Variants in CCSER2 observed in about 807,000 individuals in gnomAD.
CCSER2 encodes the protein serine-rich coiled-coil domain-containing protein 2.
A neutral mutation model predicts 92.3 loss-of-function variants in CCSER2; 46 were observed. The observed-to-expected ratio is 0.50, with a 90% CI of 0.39 to 0.64. CCSER2 has a LOEUF of 0.64. CCSER2 is among the 30% of genes least tolerant of loss of function. CCSER2 has a pLI of 0.00. For missense variants in CCSER2, 1,244 were observed against 1,238.9 expected, an observed-to-expected ratio of 1.00 and a Z score of -0.06; for synonymous variants, 433 against 431.4, an observed-to-expected ratio of 1.00 and a Z score of -0.04.
intron 3 of CCSER2, among the ~76,000 whole-genome samples, chr10:84,411,707 G>T (rs1842658197): frequency 6.6e-6 from 1 of 152,042 alleles, no homozygotes; most frequent in Non-Finnish European, 1.5e-5. Flanking sequence ...GAAGCTTTGG[G>T]GCTAAGATGA....
rs1843392345 is a variant in CCSER2, at chr10:84,328,810, TGA to T, written c.-40+5_-40+6del. 6.6e-6 allele frequency: 1 copy of T among 150,572 alleles called. No homozygotes were observed. The highest frequency in any genetic ancestry group is 2.0e-4 in the East Asian group (1 of 5,036). 9.3% of individuals were successfully genotyped at this position (150,572 alleles called of 1,614,324 possible). On this transcript the variant is annotated splice_donor_region_variant and intron_variant, in intron 1 of 9. Coordinates refer to ENST00000372088, the MANE Select transcript of CCSER2 (RefSeq NM_001284240.2). ...AGGAGGCAGCGCGACCTCCGCACGG[TGA>T]GATCCGGGCTCAGGGCCAGAGCCGG...
At chr10:84,391,580 TC>T (rs1440287492) in intron 3 of CCSER2, 8 of 1,511,794 alleles carry the variant, frequency 5.3e-6, no homozygotes, top group Non-Finnish European at 7.3e-6. Flanking sequence ...TGGAGAAATC[TC>T]CATTCAAATG....
Position 84,428,536 on chromosome 10 carries a change from A to G in CCSER2, c.1868+2643A>G, listed in dbSNP as rs191044021. ...GGGCACCCCAGCTGTGGGATTTTCT[A>G]TATACAAGATATGTTATCTGCAAAT... On this transcript the variant is annotated intron_variant, in intron 5 of 9. Coordinates refer to ENST00000372088, the MANE Select transcript of CCSER2 (RefSeq NM_001284240.2). Among the ~76,000 whole-genome samples the G allele has an allele frequency of 9.1e-4, 138 of 152,234 alleles. 1 individual carries two copies. Among genetic ancestry groups the G allele is most frequent in the African/African-American group, 3.1e-3 (128 of 41,544 alleles).
chr10:84,500,646 T>G lies in CCSER2; in HGVS notation c.2326-12803T>G, dbSNP rs115010262. Reference sequence around the variant, plus strand: ...TCCAAAACAGTGTGGGTTATTTTGTTTTATGTACTTAAGTATGCCTGGTAA... The same window carrying G: ...TCCAAAACAGTGTGGGTTATTTTGTGTTATGTACTTAAGTATGCCTGGTAA... On this transcript the variant is annotated intron_variant, in intron 9 of 9. Coordinates refer to ENST00000372088, the MANE Select transcript of CCSER2 (RefSeq NM_001284240.2). 4.4e-3 allele frequency among the ~76,000 whole-genome samples: 667 copies of G among 152,308 alleles called. 4 individuals carry two copies. Among genetic ancestry groups the G allele is most frequent in the African/African-American group, 0.015 (620 of 41,576 alleles).
chr10:84,359,780 A>G (rs1297239330), intron 1 of CCSER2, among the ~76,000 whole-genome samples: 1 of 151,988 alleles, frequency 6.6e-6, no homozygotes, highest in Non-Finnish European at 1.5e-5. Flanking sequence ...CCCTGATGAA[A>G]GCATCCTTAT....
intron 3 of CCSER2, among the ~76,000 whole-genome samples, chr10:84,406,951 A>T (rs1173716982): frequency 6.6e-6 from 1 of 152,136 alleles, no homozygotes; most frequent in Non-Finnish European, 1.5e-5. Flanking sequence ...GATATCTGTG[A>T]TGTCACTCTT....
intron 5 of CCSER2, among the ~76,000 whole-genome samples, chr10:84,428,175 G>T (rs1359735760): frequency 6.6e-6 from 1 of 152,094 alleles, no homozygotes; most frequent in African/African-American, 2.4e-5. Flanking sequence ...AACCTTTTTG[G>T]CACCAAGGAC....
chr10:84,353,922 G>T (rs1350008041), intron 1 of CCSER2, among the ~76,000 whole-genome samples: 1 of 152,078 alleles, frequency 6.6e-6, no homozygotes, highest in Non-Finnish European at 1.5e-5. Flanking sequence ...CCCAGGCCAG[G>T]CATGGTGGCT....
At position 84,464,111 on chromosome 10, in the gene CCSER2, T is replaced by C. The variant is rs1846256922; in HGVS notation, c.2148+95T>C. ...ATGAAAACAATAATAAATGTATTAATACCTAAAGCATCAGGTTTGTTCTTA... is the reference window on the plus strand; with the variant it reads ...ATGAAAACAATAATAAATGTATTAACACCTAAAGCATCAGGTTTGTTCTTA... On this transcript the variant is annotated intron_variant, in intron 7 of 9. Coordinates refer to ENST00000372088, the MANE Select transcript of CCSER2 (RefSeq NM_001284240.2). 4.2e-5 allele frequency: 27 copies of C among 636,764 alleles called. 3 individuals are homozygous for C. In the South Asian group the frequency reaches 4.9e-4, roughly 11 times the overall value. 39.4% of individuals were successfully genotyped at this position (636,764 alleles called of 1,614,324 possible).
chr10:84,389,219 G>C (rs1841390519), intron 3 of CCSER2: 6 of 443,136 alleles, frequency 1.4e-5, no homozygotes, highest in Non-Finnish European at 2.6e-5. Context: ...GATGTCATGA[G>C]GGTGGCGGCC....
intron 6 of CCSER2, among the ~76,000 whole-genome samples, chr10:84,459,448 T>A (rs1845967374): frequency 6.6e-6 from 1 of 152,178 alleles, no homozygotes; most frequent in Non-Finnish European, 1.5e-5. Flanking sequence ...TTGTTCCTGG[T>A]CTTGGGGTAG....
intron 8 of CCSER2, among the ~76,000 whole-genome samples, chr10:84,475,715 C>T (rs757843128): frequency 1.3e-4 from 20 of 152,086 alleles, no homozygotes; most frequent in South Asian, 4.1e-4. Flanking sequence ...AAAGTGTTTT[C>T]GTTACGATAG....
intron 7 of CCSER2, among the ~76,000 whole-genome samples, chr10:84,469,395 A>G (rs903873553): frequency 6.6e-6 from 1 of 152,142 alleles, no homozygotes; most frequent in Non-Finnish European, 1.5e-5. Flanking sequence ...ATAGCATTTT[A>G]AAAATCTTCC....
Position 84,462,005 on chromosome 10 carries a change from A to C in CCSER2, c.2065-1928A>C, listed in dbSNP as rs1167488629. On this transcript the variant is annotated intron_variant, in intron 6 of 9. Transcript: ENST00000372088. ...CTGTCTTGATTGTGGTTTTAATGCC[A>C]GCTCTGTTTTCAAAGCTTTTGCCAT... 2.6e-5 allele frequency among the ~76,000 whole-genome samples: 4 copies of C among 152,194 alleles called. No homozygotes were observed. The East Asian group carries it at 7.7e-4, about 29-fold the overall frequency.
chr10:84,517,519 T>C lies in CCSER2; in HGVS notation c.*3252T>C, dbSNP rs147030727. ...AAAAATCTGAATATGAAAGAAAATA[T>C]CAGATTTGCACTTTAAATGAGCTTA... is the stretch of plus-strand genomic sequence containing the variant. On this transcript the variant is annotated 3_prime_UTR_variant, in exon 10 of 10. Transcript: ENST00000372088. The C allele has an allele frequency of 2.0e-5, 3 of 152,760 alleles. No individual in the cohort carries two copies. The highest frequency in any genetic ancestry group is 4.8e-5 in the African/African-American group (2 of 41,576). The allele number at this position is 152,760 out of a possible 1,614,324, so 9.5% of individuals were successfully genotyped here.
Position 84,371,681 on chromosome 10 carries a change from G to A in CCSER2, c.629G>A (p.Ser210Asn). The A allele has an allele frequency of 6.2e-7, 1 of 1,613,768 alleles. No individual in the cohort carries two copies. Among genetic ancestry groups the A allele is most frequent in the Non-Finnish European group, 8.5e-7 (1 of 1,179,902 alleles). Residue 210 changes from serine to asparagine, a missense_variant, in exon 2 of 10, where the codon AGT (serine) becomes AAT (asparagine). Physicochemically the swap from Ser to Asn is conservative, Grantham distance 46. Coordinates refer to ENST00000372088, the MANE Select transcript of CCSER2 (RefSeq NM_001284240.2). Reference sequence around the variant, plus strand: ...AGCTTAGCTCAATCCCCAGACAGTAGTAAATCTATTAATTGTGAAAAAATG... The same window carrying A: ...AGCTTAGCTCAATCCCCAGACAGTAATAAATCTATTAATTGTGAAAAAATG... Reference protein sequence around the residue: ...GESLAQSPDSSKSINCEKMVR... With the variant: ...GESLAQSPDSNKSINCEKMVR...
At chr10:84,392,132 A>G (rs1057399692) in intron 3 of CCSER2, 10 of 630,746 alleles carry the variant, frequency 1.6e-5, no homozygotes, top group South Asian at 3.4e-5. Flanking sequence ...GGAAAATACT[A>G]CCCTTTACGG....
intron 6 of CCSER2, among the ~76,000 whole-genome samples, chr10:84,449,574 T>TG (rs903515990): frequency 3.3e-5 from 5 of 151,898 alleles, no homozygotes; most frequent in Admixed American, 2.6e-4. Context: ...AACGTAGGGC[T>TG]GGGGGCGGTG....
intron 1 of CCSER2, among the ~76,000 whole-genome samples, chr10:84,347,006 G>A (rs909862597): frequency 1.3e-5 from 2 of 151,986 alleles, no homozygotes; most frequent in East Asian, 1.9e-4. Flanking sequence ...CTGCCTTCAA[G>A]CATCTGTTTA....
Sources: gnomAD v4.1 joint callset for allele counts (sites outside exome capture counted in the v4.1 genomes callset) on GRCh38, gnomAD v4.1.1 for gene constraint, MANE v1.5 for transcripts, NCBI Gene and HGNC (gene_info 2026-07-23, HGNC 2026-07-21) for gene names.